Variants in GRIP1 observed in about 807,000 individuals in gnomAD.
GRIP1 encodes the protein glutamate receptor interacting protein 1.
Under a neutral mutation model 129.9 loss-of-function variants are expected in GRIP1, and 45 were observed. The ratio of observed to expected loss-of-function variants is 0.35; its 90% CI spans 0.27 to 0.44. GRIP1 has a LOEUF of 0.44. GRIP1 is among the 20% of genes least tolerant of loss of function. GRIP1 has a pLI of 1.00. For missense variants in GRIP1, 1,196 were observed against 1,396.8 expected, an observed-to-expected ratio of 0.86 and a Z score of 2.29; for synonymous variants, 530 against 520.8, an observed-to-expected ratio of 1.02 and a Z score of -0.24.
Position 66,455,545 on chromosome 12 carries a change from G to A in GRIP1, c.1218C>T (p.Ser406=). Residue 406 remains serine, a synonymous_variant, in exon 11 of 25, where the codon TCC becomes TCT. Transcript: ENST00000359742. The part of the protein sequence containing the change: ...PNSPPALVSS[S]FSPTSMSAYS... ...ATGCACTCATGGAGGTAGGAGAGAA[G>A]GATGAAGACACCAAAGCTGCTGCAA... The A allele has an allele frequency of 6.2e-7, 1 of 1,614,056 alleles. No individual in the cohort carries two copies. The highest frequency in any genetic ancestry group is 8.5e-7 in the Non-Finnish European group (1 of 1,179,926).
intron 22 of GRIP1, among the ~76,000 whole-genome samples, chr12:66,375,346 C>T (rs949919362): frequency 2.6e-5 from 4 of 152,028 alleles, no homozygotes; most frequent in Non-Finnish European, 4.4e-5. Context: ...ATTTTCATTT[C>T]CATTTCAATT....
intron 1 of GRIP1, among the ~76,000 whole-genome samples, chr12:66,853,356 A>G (rs2039947470): frequency 6.6e-6 from 1 of 151,882 alleles, no homozygotes; most frequent in African/African-American, 2.4e-5. Flanking sequence ...CTTCATTTCT[A>G]TAACAAATGT....
intron 7 of GRIP1, among the ~76,000 whole-genome samples, chr12:66,505,112 G>T (rs1218870537): frequency 6.6e-6 from 1 of 152,092 alleles, no homozygotes; most frequent in East Asian, 1.9e-4. Flanking sequence ...ATGTCATTTG[G>T]CATCAGGGAC....
intron 1 of GRIP1, chr12:66,804,001 T>C (rs1267790657): frequency 1.7e-5 from 7 of 413,698 alleles, no homozygotes; most frequent in East Asian, 1.4e-4. Context: ...ACAAGGTTTA[T>C]TGTTAGCCCC....
At chr12:66,587,984 G>T (rs1387798892) in intron 2 of GRIP1, among the ~76,000 whole-genome samples, 1 of 151,828 alleles carries the variant, frequency 6.6e-6, no homozygotes, top group Non-Finnish European at 1.5e-5. Flanking sequence ...AAAAGAATTT[G>T]TGTATCACTT....
chr12:66,807,074 A>T (rs1225737342), upstream of GRIP1, among the ~76,000 whole-genome samples: 1 of 152,150 alleles, frequency 6.6e-6, no homozygotes, highest in Non-Finnish European at 1.5e-5. Context: ...AAGGAGGGAA[A>T]GCATGAGTAT....
At chr12:66,400,832 G>A (rs749643076) in intron 16 of GRIP1, among the ~76,000 whole-genome samples, 4 of 152,164 alleles carry the variant, frequency 2.6e-5, no homozygotes, top group Non-Finnish European at 4.4e-5. Flanking sequence ...ATCCCCAAAA[G>A]TCTCTACTGC....
At chr12:66,770,986 G>A (rs754199242) in intron 1 of GRIP1, among the ~76,000 whole-genome samples, 129 of 152,080 alleles carry the variant, frequency 8.5e-4, no homozygotes, top group African/African-American at 3.0e-3. Context: ...CCAGCTACTC[G>A]GGAGGCTGAG....
chr12:66,778,287 C>T (rs1471285423), intron 1 of GRIP1, among the ~76,000 whole-genome samples: 2 of 152,082 alleles, frequency 1.3e-5, no homozygotes, highest in Non-Finnish European at 2.9e-5. Flanking sequence ...CACACACAGA[C>T]ATATTATTAA....
intron 1 of GRIP1, among the ~76,000 whole-genome samples, chr12:66,990,034 G>A (rs1202111464): frequency 6.6e-6 from 1 of 152,152 alleles, no homozygotes; most frequent in African/African-American, 2.4e-5. Context: ...CCTAGAAGGC[G>A]GATATTCCTG....
At chr12:66,906,012 T>A (rs1245828584) in intron 1 of GRIP1, among the ~76,000 whole-genome samples, 1 of 152,146 alleles carries the variant, frequency 6.6e-6, no homozygotes, top group African/African-American at 2.4e-5. Context: ...AAGGATGTAT[T>A]AAATCATAAG....
intron 1 of GRIP1, among the ~76,000 whole-genome samples, chr12:66,628,283 G>C (rs1277069459): frequency 6.6e-6 from 1 of 152,056 alleles, no homozygotes; most frequent in South Asian, 2.1e-4. Flanking sequence ...GCCTGTTAGA[G>C]GGAATATACA....
At chr12:66,717,980 A>G (rs567168108) in intron 1 of GRIP1, among the ~76,000 whole-genome samples, 2 of 152,238 alleles carry the variant, frequency 1.3e-5, no homozygotes, top group African/African-American at 4.8e-5. Context: ...TCCTGGACAT[A>G]GGAACAATGA....
intron 1 of GRIP1, among the ~76,000 whole-genome samples, chr12:67,067,827 T>C (rs1215545187): frequency 6.6e-5 from 10 of 152,112 alleles, no homozygotes; most frequent in Non-Finnish European, 1.5e-4. Flanking sequence ...TTGACAACAC[T>C]GCCTTCTCCA....
intron 1 of GRIP1, among the ~76,000 whole-genome samples, chr12:67,060,824 CAAAAAAAAAAAA>C (rs11300344): frequency 9.5e-6 from 1 of 104,776 alleles, no homozygotes; most frequent in South Asian, 3.4e-4. Flanking sequence ...AACTCCGTCT[CAAAAAAAAAAAA>C]AAAAAAAAAT....
At chr12:66,484,127 A>G (rs11609808) in intron 7 of GRIP1, among the ~76,000 whole-genome samples, 94,747 of 151,892 alleles carry the variant, frequency 0.62, 30,007 homozygotes, top group Middle Eastern at 0.76. Flanking sequence ...CCAAAGTGCT[A>G]GGATTACAGG....
chr12:66,377,387 G>A, intron 20 of GRIP1, 102 bp from the exon 21 acceptor site: 1 of 794,316 alleles, frequency 1.3e-6, no homozygotes, highest in Admixed American at 1.8e-5. Context: ...GAGTGCAGTG[G>A]CGCAATCTCG....
At chr12:66,617,311 G>A (rs2065086428) in intron 1 of GRIP1, among the ~76,000 whole-genome samples, 1 of 144,994 alleles carries the variant, frequency 6.9e-6, no homozygotes, top group Non-Finnish European at 1.5e-5. Context: ...AAAAAAAGAT[G>A]CTTGCAAGTT....
At chr12:66,850,379 T>C (rs778016775) in intron 1 of GRIP1, among the ~76,000 whole-genome samples, 3 of 152,148 alleles carry the variant, frequency 2.0e-5, no homozygotes, top group Non-Finnish European at 2.9e-5. Context: ...TGGATTAGAA[T>C]GTTCCTCTGT....
Sources: allele counts gnomAD v4.1 joint callset (sites outside exome capture counted in the v4.1 genomes callset), GRCh38; gene constraint gnomAD v4.1.1; transcripts MANE v1.5; gene names NCBI Gene and HGNC (gene_info 2026-07-23, HGNC 2026-07-21).